The following MIGA2 variants were observed in gnomAD, a reference collection of about 807,000 sequenced individuals.
The protein encoded by MIGA2 is family with sequence similarity 73, member B.
A neutral mutation model predicts 69.9 loss-of-function variants in MIGA2; 36 were observed. That is an observed-to-expected ratio of 0.52 (90% CI 0.39 to 0.68). The LOEUF (loss-of-function observed/expected upper bound fraction) is 0.68, where lower values mean the gene tolerates loss of function less well. Ranked by LOEUF, MIGA2 falls within the 30% of genes least tolerant of loss-of-function variation. The pLI is 0.00. For synonymous variants in MIGA2, 333 were observed against 349.2 expected (o/e 0.95, Z 0.52); for missense variants, 660 against 787.7 (o/e 0.84, Z 1.94).
Position 129,060,399 on chromosome 9 carries a change from T to C in MIGA2, c.794-151T>C, listed in dbSNP as rs1276605069. ...GTCCAGCGTCCTCACACAGAAGCGC[T>C]TGGCACGTCAGAGCTTTGCCATTGA... On this transcript the variant is annotated intron_variant, in intron 7 of 15. Transcript: ENST00000684074. This position sits in a 1 kb window ranked among gnomAD's most constrained non-coding sequence, Gnocchi z 4.8. The C allele has an allele frequency of 1.6e-5, 10 of 636,430 alleles. No homozygotes were observed. Among genetic ancestry groups the C allele is most frequent in the Non-Finnish European group, 2.7e-5 (10 of 368,552 alleles). 39.4% of individuals were successfully genotyped at this position (636,430 alleles called of 1,614,324 possible). A position where few individuals can be genotyped will look rare whatever the true frequency, so the allele number is the denominator to read the frequency against.
chr9:129,069,375 T>TC lies in MIGA2; in HGVS notation c.1458+246_1458+247insC. 1.7e-6 allele frequency: 1 copy of TC among 571,566 alleles called. No homozygotes were observed. The highest frequency in any genetic ancestry group is 3.1e-6 in the Non-Finnish European group (1 of 320,252). The allele number at this position is 571,566 out of a possible 1,614,324, so 35.4% of individuals were successfully genotyped here. A position where few individuals can be genotyped will look rare whatever the true frequency, so the allele number is the denominator to read the frequency against. ...GGGGAGGGGAACGGATACCCTAGGG[T>TC]AGTGGCCACAGGGCTGGCAGCTGGC... is the stretch of plus-strand genomic sequence containing the variant. On this transcript the variant is annotated intron_variant, in intron 14 of 15. Coordinates refer to ENST00000684074, the MANE Select transcript of MIGA2 (RefSeq NM_001329990.2). The surrounding 1 kb of genome is among the most constrained non-coding windows in gnomAD (Gnocchi z 4.9).
chr9:129,038,789 C>CTTTTTTTTTTTTTT (rs869238538), intron 1 of MIGA2, among the ~76,000 whole-genome samples: 16 of 89,074 alleles, frequency 1.8e-4, no homozygotes, highest in African/African-American at 3.9e-4. Context: ...TTTTGTTTGT[C>CTTTTTTTTTTTTTT]TTTTTTTTTT....
chr9:129,063,655 G>GGGGGGGGGGGCCC, intron 11 of MIGA2, 24 bp downstream of exon 11: 9 of 645,700 alleles, frequency 1.4e-5, no homozygotes, highest in Non-Finnish European at 2.3e-5. Flanking sequence ...GGGTGGGGGG[G>GGGGGGGGGGGCCC]CAAATTATAA....
At chr9:129,048,327 C>T in intron 3 of MIGA2, 100 bp from the exon 4 acceptor site, 1 of 1,018,536 alleles carries the variant, frequency 9.8e-7, no homozygotes, top group Non-Finnish European at 1.5e-6. Flanking sequence ...GGGACCGATT[C>T]CCAGATGAGG....
chr9:129,053,776 G>C (rs750910666), intron 6 of MIGA2, among the ~76,000 whole-genome samples: 1 of 151,936 alleles, frequency 6.6e-6, no homozygotes, highest in African/African-American at 2.4e-5. Flanking sequence ...GTTTGAGCCA[G>C]TGAGGGAGAA....
At position 129,070,479 on chromosome 9, in the gene MIGA2, G is replaced by A. The variant is rs967048992; in HGVS notation, c.*26G>A. The A allele has an allele frequency of 5.3e-6, 8 of 1,502,374 alleles. No individual in the cohort carries two copies. In the Admixed American group the frequency reaches 8.6e-5, roughly 16 times the overall value. The allele number at this position is 1,502,374 out of a possible 1,614,324, so 93.1% of individuals were successfully genotyped here. Reference sequence around the variant, plus strand: ...AGGCGGCACGGGCTGGGGGGTGGCAGAGAGAAGGCTCCTCCTCCCTTCCCT... The same window carrying A: ...AGGCGGCACGGGCTGGGGGGTGGCAAAGAGAAGGCTCCTCCTCCCTTCCCT... On this transcript the variant is annotated 3_prime_UTR_variant, in exon 16 of 16. Transcript: ENST00000684074.
chr9:129,050,141 G>A (rs1360015096), intron 6 of MIGA2, among the ~76,000 whole-genome samples, 178 bp downstream of exon 6: 3 of 152,348 alleles, frequency 2.0e-5, no homozygotes, highest in Middle Eastern at 3.4e-3. Context: ...CACAATGCCC[G>A]GCGCTTGGTA....
rs1330679729 is a variant in MIGA2 at position 129,069,389 on chromosome 9, C to A, written c.1458+260C>A. 4 of 567,434 alleles carry A rather than the reference C, an allele frequency of 7.0e-6. No homozygotes were observed. The highest frequency in any genetic ancestry group is 1.9e-5 in the African/African-American group (1 of 53,184). 35.1% of individuals were successfully genotyped at this position (567,434 alleles called of 1,614,324 possible). A position where few individuals can be genotyped will look rare whatever the true frequency, so the allele number is the denominator to read the frequency against. ...ATACCCTAGGGTAGTGGCCACAGGG[C>A]TGGCAGCTGGCCTGGTGCAGGCGTC... is the stretch of plus-strand genomic sequence containing the variant. On this transcript the variant is annotated intron_variant, in intron 14 of 15. Transcript: ENST00000684074. The surrounding 1 kb of genome is among the most constrained non-coding windows in gnomAD (Gnocchi z 4.9).
rs1845424489 is a variant in MIGA2, at chr9:129,049,868, G to A, written c.580G>A (p.Ala194Thr). The A allele has an allele frequency of 2.5e-6, 4 of 1,613,944 alleles. No homozygotes were observed. The highest frequency in any genetic ancestry group is 1.3e-5 in the African/African-American group (1 of 74,952). Residue 194 changes from alanine to threonine, a missense_variant, in exon 6 of 16, where the codon GCA becomes ACA. Ala to Thr is a moderately conservative substitution (Grantham distance 58). Transcript: ENST00000684074. ...FEEALQKWEQ[A>T]LSVGQRGDSG... The stretch of plus-strand genomic sequence containing the variant: ...GGAAGCTCTGCAGAAGTGGGAGCAG[G>A]CACTAAGCGTGGGCCAGCGGGGGGA...
chr9:129,045,631 T>C (rs1193327502), intron 3 of MIGA2, among the ~76,000 whole-genome samples: 1 of 149,958 alleles, frequency 6.7e-6, no homozygotes, highest in East Asian at 2.0e-4. Context: ...GAACATAAAT[T>C]AGCTGAGTGT....
Position 129,043,682 on chromosome 9 carries a change from C to T in MIGA2, c.307+1168C>T, listed in dbSNP as rs1013739859. On this transcript the variant is annotated intron_variant, in intron 3 of 15. Transcript: ENST00000684074. ...GATTACAGGTGTGAGCCACCGCACCCGGCCCCGGCCATCTTTCTACTCTTT... is the reference window on the plus strand; with the variant it reads ...GATTACAGGTGTGAGCCACCGCACCTGGCCCCGGCCATCTTTCTACTCTTT... Among the ~76,000 whole-genome samples, 6 of 152,034 alleles carry T rather than the reference C, an allele frequency of 3.9e-5. No homozygotes were observed. The South Asian group carries it at 6.2e-4, about 16-fold the overall frequency.
At chr9:129,050,048 A>G in intron 6 of MIGA2, 85 bp downstream of exon 6, 1 of 1,509,844 alleles carries the variant, frequency 6.6e-7, no homozygotes, top group Non-Finnish European at 8.9e-7. Context: ...GGAGGCAGGC[A>G]GTCTCCTGTC....
intron 6 of MIGA2, among the ~76,000 whole-genome samples, chr9:129,050,238 G>C (rs1222417035): frequency 6.6e-6 from 1 of 152,174 alleles, no homozygotes; most frequent in Non-Finnish European, 1.5e-5. Context: ...AGGCGCCTCT[G>C]TTGAGGGTTG....
rs754737665 is a variant in MIGA2 at position 129,060,351 on chromosome 9, G to A, written c.794-199G>A. The A allele has an allele frequency of 2.6e-5, 14 of 531,974 alleles. No homozygotes were observed. The highest frequency in any genetic ancestry group is 4.4e-5 in the Non-Finnish European group (13 of 296,666). 33.0% of individuals were successfully genotyped at this position (531,974 alleles called of 1,614,324 possible). A position where few individuals can be genotyped will look rare whatever the true frequency, so the allele number is the denominator to read the frequency against. On this transcript the variant is annotated intron_variant, in intron 7 of 15. Transcript: ENST00000684074. This position sits in a 1 kb window ranked among gnomAD's most constrained non-coding sequence, Gnocchi z 4.8. ...TCCGAGGATGTCGTGGGTGTTGAAG[G>A]AGGTCACTCACTGAGGCGAGGAGTC...
intron 1 of MIGA2, 141 bp downstream of exon 1, chr9:129,036,822 G>A (rs926884999): frequency 3.7e-5 from 17 of 464,340 alleles, no homozygotes; most frequent in Admixed American, 6.4e-5. Context: ...GTGGGTACCC[G>A]GGCCGGGGAC....
At chr9:129,038,260 A>G (rs773209303) in intron 1 of MIGA2, among the ~76,000 whole-genome samples, 17 of 152,144 alleles carry the variant, frequency 1.1e-4, no homozygotes, top group Non-Finnish European at 2.5e-4. Flanking sequence ...CCCTAGAGCG[A>G]GACTGACAGG....
chr9:129,063,479 C>T, intron 10 of MIGA2, 66 bp from the exon 11 acceptor site: 1 of 1,589,140 alleles, frequency 6.3e-7, no homozygotes. Context: ...TTATGTGGCC[C>T]TCTCCGTGGG....
chr9:129,060,514 A>T lies in MIGA2; in HGVS notation c.794-36A>T. 6.7e-7 allele frequency: 1 copy of T among 1,495,210 alleles called. No individual in the cohort carries two copies. The highest frequency in any genetic ancestry group is 9.1e-7 in the Non-Finnish European group (1 of 1,095,182). 92.6% of individuals were successfully genotyped at this position (1,495,210 alleles called of 1,614,324 possible). ...GATTCCAGCTGAGCACTGTGTGGGG[A>T]GTCTCAGCCCCGCTTTCTCTCACTG... On this transcript the variant is annotated intron_variant, in intron 7 of 15. Transcript: ENST00000684074. This position sits in a 1 kb window ranked among gnomAD's most constrained non-coding sequence, Gnocchi z 4.8.
chr9:129,048,632 C>A, intron 4 of MIGA2, 93 bp downstream of exon 4: 1 of 945,270 alleles, frequency 1.1e-6, no homozygotes, highest in Admixed American at 2.0e-5. Flanking sequence ...CTGGTAGAGT[C>A]CATTCATTCA....
Sources: allele counts gnomAD v4.1 joint callset (sites outside exome capture counted in the v4.1 genomes callset), GRCh38; gene constraint gnomAD v4.1.1; non-coding constraint Gnocchi (gnomAD v3.1); transcripts MANE v1.5; gene names NCBI Gene and HGNC (gene_info 2026-07-23, HGNC 2026-07-21).